The following PIBF1 variants were observed in gnomAD, a reference collection of about 807,000 sequenced individuals.
PIBF1 encodes the protein progesterone immunomodulatory binding factor 1.
Under a neutral mutation model 112.5 loss-of-function variants are expected in PIBF1, and 90 were observed. The observed-to-expected ratio is 0.80, with a 90% CI of 0.67 to 0.95. PIBF1 has a LOEUF of 0.95. Among genes scored for constraint, PIBF1 ranks in the 40% least tolerant of loss-of-function variants. The pLI is 0.00. For missense variants in PIBF1, 915 were observed against 852.3 expected (o/e 1.07, Z -0.92); for synonymous variants, 301 against 288.6 (o/e 1.04, Z -0.44).
intron 6 of PIBF1, among the ~76,000 whole-genome samples, chr13:72,824,321 T>C (rs2036701684): frequency 6.6e-6 from 1 of 152,008 alleles, no homozygotes; most frequent in Admixed American, 6.6e-5. Flanking sequence ...CCAGCCCACG[T>C]TGATACTTCT....
In PIBF1 at chr13:72,894,491, A is replaced by G. The variant is rs539074568; in HGVS notation, c.1488+542A>G. Among the ~76,000 whole-genome samples, 7 of 152,128 alleles carry G rather than the reference A, an allele frequency of 4.6e-5. No homozygotes were observed. The East Asian group carries it at 1.4e-3, about 29-fold the overall frequency. ...ACATTTTAAAGTGTGTTCTGAGGCA[A>G]GAATAATTAAACTGCACACAAAATT... is the stretch of plus-strand genomic sequence containing the variant. On this transcript the variant is annotated intron_variant, in intron 11 of 17. Transcript: ENST00000326291.
intron 5 of PIBF1, among the ~76,000 whole-genome samples, chr13:72,813,301 CT>C (rs1294991145): frequency 6.6e-6 from 1 of 152,170 alleles, no homozygotes; most frequent in African/African-American, 2.4e-5. Flanking sequence ...TTTTTCCTTT[CT>C]TTTCCAGTTC....
At chr13:72,787,677 GA>G (rs2034675081) in intron 2 of PIBF1, among the ~76,000 whole-genome samples, 1 of 151,602 alleles carries the variant, frequency 6.6e-6, no homozygotes, top group Non-Finnish European at 1.5e-5. Context: ...TAATTTTTTT[GA>G]GACAGAGTCT....
chr13:72,882,104 GA>G (rs372911583), intron 10 of PIBF1, among the ~76,000 whole-genome samples: 16 of 147,448 alleles, frequency 1.1e-4, no homozygotes, highest in South Asian at 2.1e-4. Context: ...CAGACCAATG[GA>G]AAAAAAAAAT....
rs1945448576 is a variant in PIBF1 at position 72,917,083 on chromosome 13, T to C, written c.1647T>C (p.Asn549=). The C allele has an allele frequency of 1.3e-6, 2 of 1,578,578 alleles. No homozygotes were observed. Among genetic ancestry groups the C allele is most frequent in the African/African-American group, 1.4e-5 (1 of 73,362 alleles). Residue 549 remains asparagine (N), a synonymous_variant, in exon 13 of 18, where the codon AAT becomes AAC. Coordinates refer to ENST00000326291, the MANE Select transcript of PIBF1 (RefSeq NM_006346.4). The stretch of plus-strand genomic sequence containing the variant: ...CACTTTAATATTTTCCAGTTGAAAA[T>C]GAAGATGAGGCTGAAAGGGTTCTTT... ...EIIMQTAEIE[N]EDEAERVLFS...
intron 2 of PIBF1, among the ~76,000 whole-genome samples, chr13:72,791,389 G>A (rs990967918): frequency 2.6e-5 from 4 of 152,094 alleles, no homozygotes; most frequent in Admixed American, 6.5e-5. Flanking sequence ...AACAGGAATC[G>A]TCTTGGTTAA....
At chr13:72,838,905 A>G (rs993807558) in intron 9 of PIBF1, among the ~76,000 whole-genome samples, 4 of 152,218 alleles carry the variant, frequency 2.6e-5, no homozygotes, top group Admixed American at 6.5e-5. Flanking sequence ...AAAAAGGACA[A>G]AATGAAGCTT....
intron 10 of PIBF1, among the ~76,000 whole-genome samples, chr13:72,867,469 G>A (rs182299843): frequency 3.4e-4 from 51 of 152,142 alleles, no homozygotes; most frequent in African/African-American, 1.2e-3. Context: ...CCATCATCTA[G>A]TTAGTTGATT....
intron 10 of PIBF1, among the ~76,000 whole-genome samples, chr13:72,857,412 A>ACTG (rs2038473661): frequency 6.6e-6 from 1 of 152,400 alleles, no homozygotes; most frequent in African/African-American, 2.4e-5. Context: ...GTGTGGCATT[A>ACTG]CTGCCATAAG....
chr13:72,922,860 T>A (rs1366857266), intron 13 of PIBF1, among the ~76,000 whole-genome samples: 1 of 152,176 alleles, frequency 6.6e-6, no homozygotes, highest in Admixed American at 6.5e-5. Flanking sequence ...TTTGGAAGTG[T>A]AAGCCTATAG....
intron 14 of PIBF1, among the ~76,000 whole-genome samples, chr13:72,963,543 G>A (rs1012817654): frequency 1.2e-4 from 19 of 152,154 alleles, no homozygotes; most frequent in African/African-American, 4.6e-4. Flanking sequence ...GCAGTGAGCT[G>A]AGATCGCACC....
chr13:72,955,278 A>T (rs1235552188), intron 14 of PIBF1, among the ~76,000 whole-genome samples: 2 of 151,948 alleles, frequency 1.3e-5, no homozygotes, highest in Non-Finnish European at 2.9e-5. Flanking sequence ...TCTGGGAAAA[A>T]ATTCAGTTAA....
At chr13:72,840,087 C>A (rs911116349) in intron 9 of PIBF1, among the ~76,000 whole-genome samples, 1 of 152,164 alleles carries the variant, frequency 6.6e-6, no homozygotes, top group East Asian at 1.9e-4. Flanking sequence ...TCACAGGACA[C>A]CTAACTAGCT....
intron 10 of PIBF1, among the ~76,000 whole-genome samples, chr13:72,861,812 A>G (rs910146276): frequency 1.3e-5 from 2 of 152,182 alleles, no homozygotes; most frequent in African/African-American, 4.8e-5. Context: ...GTGATCAGAA[A>G]AAACACAGCA....
At chr13:72,903,798 T>C (rs1205578609) in intron 11 of PIBF1, among the ~76,000 whole-genome samples, 1 of 152,184 alleles carries the variant, frequency 6.6e-6, no homozygotes, top group African/African-American at 2.4e-5. Flanking sequence ...TCTGGCAGTA[T>C]TGGGTAGGGA....
chr13:72,938,521 A>G (rs536873789), intron 14 of PIBF1, among the ~76,000 whole-genome samples: 1 of 152,284 alleles, frequency 6.6e-6, no homozygotes, highest in Admixed American at 6.5e-5. Context: ...GTATTTTGCC[A>G]TCTATCAGTG....
intron 9 of PIBF1, chr13:72,836,041 G>A (rs185861273): frequency 7.0e-6 from 3 of 429,350 alleles, no homozygotes; most frequent in Non-Finnish European, 1.4e-5. Flanking sequence ...AGAGCTTGCA[G>A]TGAGCCGAGA....
chr13:72,861,913 G>A (rs755904069), intron 10 of PIBF1, among the ~76,000 whole-genome samples: 16 of 152,148 alleles, frequency 1.1e-4, no homozygotes, highest in Non-Finnish European at 1.8e-4. Flanking sequence ...GAAATAAAAA[G>A]GAATGGAAGA....
At chr13:72,947,202 G>A (rs1418477977) in intron 14 of PIBF1, among the ~76,000 whole-genome samples, 1 of 152,160 alleles carries the variant, frequency 6.6e-6, no homozygotes, top group Admixed American at 6.6e-5. Flanking sequence ...AACACCACGT[G>A]GAAGCTGCCA....
Sources: gnomAD v4.1 joint callset for allele counts (sites outside exome capture counted in the v4.1 genomes callset) on GRCh38, gnomAD v4.1.1 for gene constraint, MANE v1.5 for transcripts, NCBI Gene and HGNC (gene_info 2026-07-23, HGNC 2026-07-21) for gene names.